HNRNPC: variants seen among roughly 807,000 people sequenced by gnomAD.
HNRNPC encodes heterogeneous nuclear ribonucleoproteins C1/C2.
Under a neutral mutation model 33.2 loss-of-function variants are expected in HNRNPC, and 3 were observed. That is an observed-to-expected ratio of 0.09 (90% CI 0.04 to 0.23). The LOEUF (loss-of-function observed/expected upper bound fraction) is 0.23. HNRNPC is among the 10% of genes least tolerant of loss of function. HNRNPC has a pLI of 1.00. For synonymous variants in HNRNPC, 121 were observed against 126.7 expected, an observed-to-expected ratio of 0.96 and a Z score of 0.30; for missense variants, 143 against 366.7, an observed-to-expected ratio of 0.39 and a Z score of 4.98.
At chr14:21,267,228 AG>A (rs758219146) in intron 1 of HNRNPC, among the ~76,000 whole-genome samples, 3 of 152,214 alleles carry the variant, frequency 2.0e-5, no homozygotes, top group Admixed American at 6.5e-5. Flanking sequence ...TTTAAAAAAA[AG>A]TCTAAGTCCC....
At chr14:21,252,652 C>T (rs578023529) in intron 2 of HNRNPC, among the ~76,000 whole-genome samples, 1 of 152,176 alleles carries the variant, frequency 6.6e-6, no homozygotes, top group South Asian at 2.1e-4. Context: ...ATTTATTAAA[C>T]GTTTTTGGTG....
At chr14:21,226,672 G>A (rs1025278247) in intron 5 of HNRNPC, among the ~76,000 whole-genome samples, 1 of 152,060 alleles carries the variant, frequency 6.6e-6, no homozygotes, top group Non-Finnish European at 1.5e-5. Context: ...CTGAGGTCAA[G>A]AGGTCAAAAC....
intron 1 of HNRNPC, among the ~76,000 whole-genome samples, chr14:21,266,584 C>G (rs926851841): frequency 6.6e-6 from 1 of 150,426 alleles, no homozygotes; most frequent in Non-Finnish European, 1.5e-5. Flanking sequence ...TTTCCAATAT[C>G]GAGAATACCT....
intron 4 of HNRNPC, 28 bp from the exon 5 acceptor site, chr14:21,230,394 A>AT: frequency 6.4e-7 from 1 of 1,574,670 alleles, no homozygotes; most frequent in South Asian, 1.1e-5. Context: ...AAAAGGGTTA[A>AT]TTTGGAAATG....
At chr14:21,214,101 C>T (rs913210105) in intron 5 of HNRNPC, among the ~76,000 whole-genome samples, 1 of 152,134 alleles carries the variant, frequency 6.6e-6, no homozygotes, top group Non-Finnish European at 1.5e-5. Context: ...CCTATGGCAA[C>T]GTATGAAAAG....
At chr14:21,219,328 T>A (rs1000565226) in intron 5 of HNRNPC, among the ~76,000 whole-genome samples, 2 of 152,132 alleles carry the variant, frequency 1.3e-5, no homozygotes, top group African/African-American at 4.8e-5. Context: ...ACTATGCATT[T>A]TGTAAATCAA....
intron 5 of HNRNPC, among the ~76,000 whole-genome samples, chr14:21,226,514 CTTTTATTACA>C (rs1432953177): frequency 6.6e-6 from 1 of 151,798 alleles, no homozygotes; most frequent in African/African-American, 2.4e-5. Flanking sequence ...TAAAAATTCA[CTTTTATTACA>C]ACACCTTTCG....
At chr14:21,261,713 T>C (rs937428343) in intron 2 of HNRNPC, among the ~76,000 whole-genome samples, 1 of 152,090 alleles carries the variant, frequency 6.6e-6, no homozygotes, top group African/African-American at 2.4e-5. Context: ...CTAGACAACA[T>C]AGCGAGACCC....
intron 1 of HNRNPC, among the ~76,000 whole-genome samples, chr14:21,267,040 G>A (rs1594349854): frequency 7.2e-6 from 1 of 138,518 alleles, no homozygotes; most frequent in Admixed American, 7.9e-5. Flanking sequence ...GCAGTGAACC[G>A]AGATTGTGCC....
At chr14:21,243,865 G>A (rs950218985) in intron 2 of HNRNPC, among the ~76,000 whole-genome samples, 1 of 152,086 alleles carries the variant, frequency 6.6e-6, no homozygotes, top group Admixed American at 6.5e-5. Context: ...CCACGTAGAG[G>A]TTCTAACACT....
chr14:21,263,929 T>A (rs1878576008), intron 1 of HNRNPC: 1 of 152,178 alleles, frequency 6.6e-6, no homozygotes, highest in Non-Finnish European at 1.5e-5. Context: ...CTAACACATT[T>A]TGGTAAAGCA....
intron 2 of HNRNPC, among the ~76,000 whole-genome samples, chr14:21,246,902 T>C (rs1175383713): frequency 1.3e-5 from 2 of 152,222 alleles, no homozygotes; most frequent in Non-Finnish European, 2.9e-5. Flanking sequence ...ATATATCTTC[T>C]GCTCCTTAAT....
At position 21,218,779 on chromosome 14, in the gene HNRNPC, C is replaced by G. The variant is rs375853972; in HGVS notation, c.366-5662G>C. On this transcript the variant is annotated intron_variant, in intron 5 of 8. Coordinates refer to ENST00000553300, the MANE Select transcript of HNRNPC (RefSeq NM_004500.4). ...CTTTGGAAGGCCAAGGCAGGCAGATCGCTTGAGCCCAAGAGTTCAAGACCA... is the reference window on the plus strand; with the variant it reads ...CTTTGGAAGGCCAAGGCAGGCAGATGGCTTGAGCCCAAGAGTTCAAGACCA... 3.4e-5 allele frequency among the ~76,000 whole-genome samples: 5 copies of G among 148,388 alleles called. No homozygotes were observed. The East Asian group carries it at 8.1e-4, about 24-fold the overall frequency.
intron 6 of HNRNPC, among the ~76,000 whole-genome samples, chr14:21,212,659 C>G (rs1373059938): frequency 6.6e-6 from 1 of 152,044 alleles, no homozygotes; most frequent in African/African-American, 2.4e-5. Context: ...TCTCCTGCCT[C>G]AGCCTCCCAA....
In HNRNPC at chr14:21,211,855, G is replaced by A. The variant is rs1891641784; in HGVS notation, c.592C>T (p.Leu198=). The A allele has an allele frequency of 6.2e-7, 1 of 1,613,066 alleles. No homozygotes were observed. Among genetic ancestry groups the A allele is most frequent in the Non-Finnish European group, 8.5e-7 (1 of 1,179,964 alleles). The change falls in exon 7 of 9, where the codon CTG becomes TTG. Residue 198 remains leucine, a synonymous_variant. Transcript: ENST00000553300. ...TQIKQKVDSL[L]ENLEKIEKEQ... ...TTTTCAATTTTTTCCAGGTTTTCCA[G>A]GAGAGAATCCACTTTTTGTTTTATC... is the stretch of plus-strand genomic sequence containing the variant.
chr14:21,211,715 C>A, intron 7 of HNRNPC, 95 bp downstream of exon 7: 1 of 1,422,980 alleles, frequency 7.0e-7, no homozygotes, highest in Non-Finnish European at 9.8e-7. Context: ...TTTCATATTA[C>A]ATTGCTTTAT....
rs1891414195 is a variant in HNRNPC at position 21,209,597 on chromosome 14, T to A, written c.*1626A>T. ...TATGGGCTCCAAGGGTAGTTCATAC[T>A]TCAGCCTCTTCATTCTTTTCTGCTT... On this transcript the variant is annotated 3_prime_UTR_variant, in exon 9 of 9. Transcript: ENST00000553300. 6.6e-6 allele frequency: 1 copy of A among 152,212 alleles called. No homozygotes were observed. The highest frequency in any genetic ancestry group is 1.5e-5 in the Non-Finnish European group (1 of 68,034). The allele number at this position is 152,212 out of a possible 1,614,324, so 9.4% of individuals were successfully genotyped here.
chr14:21,258,623 A>T (rs1052346486), intron 2 of HNRNPC, among the ~76,000 whole-genome samples: 3 of 152,146 alleles, frequency 2.0e-5, no homozygotes, highest in Non-Finnish European at 2.9e-5. Flanking sequence ...CAAACTCACA[A>T]CTTTAACAGT....
At chr14:21,244,591 T>C (rs1895742580) in intron 2 of HNRNPC, among the ~76,000 whole-genome samples, 3 of 152,370 alleles carry the variant, frequency 2.0e-5, no homozygotes, top group South Asian at 2.1e-4. Context: ...CCCTTAGCTC[T>C]ATTCTTGGAA....
Sources: allele counts gnomAD v4.1 joint callset (sites outside exome capture counted in the v4.1 genomes callset), GRCh38; gene constraint gnomAD v4.1.1; transcripts MANE v1.5; gene names NCBI Gene and HGNC (gene_info 2026-07-23, HGNC 2026-07-21).